SLC22A15: variants seen among roughly 807,000 people sequenced by gnomAD.
SLC22A15 encodes flipt 1.
In SLC22A15, 45 loss-of-function variants were observed where a neutral mutation model predicts 62.7. The observed-to-expected ratio is 0.72, with a 90% CI of 0.56 to 0.92. The LOEUF is 0.92. Among genes scored for constraint, SLC22A15 ranks in the 40% least tolerant of loss-of-function variants. The pLI is 0.00. For missense variants in SLC22A15, 622 were observed against 665.6 expected, an observed-to-expected ratio of 0.93 and a Z score of 0.72; for synonymous variants, 264 against 267.0, an observed-to-expected ratio of 0.99 and a Z score of 0.11.
intron 3 of SLC22A15, 73 bp downstream of exon 3, chr1:116,019,787 G>T: frequency 6.8e-7 from 1 of 1,464,706 alleles, no homozygotes; most frequent in African/African-American, 1.4e-5. Context: ...AATAATAAGG[G>T]GACTATTTCC....
At chr1:116,039,331 G>A (rs534661549) in intron 8 of SLC22A15, among the ~76,000 whole-genome samples, 15 of 152,188 alleles carry the variant, frequency 9.9e-5, no homozygotes, top group Middle Eastern at 3.4e-3. Context: ...TCAGGAGTTC[G>A]AGACCAGCCT....
intron 7 of SLC22A15, 69 bp downstream of exon 7, chr1:116,035,396 C>T (rs1657597107): frequency 7.5e-7 from 1 of 1,339,380 alleles, no homozygotes; most frequent in East Asian, 2.5e-5. Context: ...CCCTCTGATA[C>T]ACATGCATAT....
chr1:116,004,038 C>T (rs6667257), intron 2 of SLC22A15, among the ~76,000 whole-genome samples: 34,391 of 152,150 alleles, frequency 0.23, 4,464 homozygotes, highest in East Asian at 0.48. Context: ...GGCCAGACCC[C>T]TCATTTATCA....
In SLC22A15 at chr1:116,067,236, T is replaced by G; in HGVS notation, c.*128T>G. ...GGCTTGAATGTACATAGATGGTACC[T>G]GGCATGGACTGATGTTTTTAGGCAC... On this transcript the variant is annotated 3_prime_UTR_variant, in exon 12 of 12. Coordinates refer to ENST00000369503, the MANE Select transcript of SLC22A15 (RefSeq NM_018420.3). The G allele has an allele frequency of 1.5e-6, 1 of 666,444 alleles. No homozygotes were observed. The highest frequency in any genetic ancestry group is 1.9e-5 in the South Asian group (1 of 52,204). 41.3% of individuals were successfully genotyped at this position (666,444 alleles called of 1,614,324 possible). A position where few individuals can be genotyped will look rare whatever the true frequency, so the allele number is the denominator to read the frequency against.
At chr1:116,066,757 T>A (rs1461116164) in intron 11 of SLC22A15, 49 bp downstream of exon 11, 2 of 1,510,822 alleles carry the variant, frequency 1.3e-6, no homozygotes, top group African/African-American at 1.4e-5. Context: ...TGGCAGTTAA[T>A]GAAAAAAAGA....
At chr1:116,030,387 C>A (rs1421073393) in intron 5 of SLC22A15, among the ~76,000 whole-genome samples, 1 of 152,020 alleles carries the variant, frequency 6.6e-6, no homozygotes, top group East Asian at 1.9e-4. Flanking sequence ...CTATAAAGCA[C>A]CGTAAATAGC....
Position 116,069,485 on chromosome 1 carries a change from T to A in SLC22A15, c.*2377T>A, listed in dbSNP as rs1056280897. On this transcript the variant is annotated 3_prime_UTR_variant, in exon 12 of 12. Transcript: ENST00000369503. The stretch of plus-strand genomic sequence containing the variant: ...TTTTAATTCTATTCAAAATTAAAAA[T>A]TTTTTTTCCTAAAATAAAGCAAGAA... The A allele has an allele frequency of 4.6e-5, 7 of 152,140 alleles. No individual in the cohort carries two copies. Among genetic ancestry groups the A allele is most frequent in the African/African-American group, 1.4e-4 (6 of 41,542 alleles). 9.4% of individuals were successfully genotyped at this position (152,140 alleles called of 1,614,324 possible). A position where few individuals can be genotyped will look rare whatever the true frequency, so the allele number is the denominator to read the frequency against.
At chr1:115,991,040 G>T (rs372202409) in intron 1 of SLC22A15, among the ~76,000 whole-genome samples, 2 of 152,188 alleles carry the variant, frequency 1.3e-5, no homozygotes, top group Admixed American at 6.5e-5. Flanking sequence ...CTGCAGGAGC[G>T]ATGATTAAAG....
intron 8 of SLC22A15, among the ~76,000 whole-genome samples, chr1:116,058,062 A>ATAT (rs1432864407): frequency 6.6e-6 from 1 of 151,184 alleles, no homozygotes; most frequent in Non-Finnish European, 1.5e-5. Flanking sequence ...TATAATAATA[A>ATAT]TAATAATAAT....
chr1:116,054,276 T>C (rs1374724721), intron 8 of SLC22A15, among the ~76,000 whole-genome samples: 1 of 151,748 alleles, frequency 6.6e-6, no homozygotes, highest in Non-Finnish European at 1.5e-5. Flanking sequence ...TAAAACAGAC[T>C]ATAAAGCAAC....
chr1:116,033,462 C>T (rs1482415182), intron 6 of SLC22A15, among the ~76,000 whole-genome samples: 1 of 152,068 alleles, frequency 6.6e-6, no homozygotes, highest in African/African-American at 2.4e-5. Context: ...CTCTCACCAC[C>T]AGCTGGGAAC....
chr1:116,063,694 G>A (rs769726066), intron 9 of SLC22A15, among the ~76,000 whole-genome samples: 3 of 152,144 alleles, frequency 2.0e-5, no homozygotes, highest in Non-Finnish European at 2.9e-5. Flanking sequence ...TACTTTACCT[G>A]GCTACTGGCT....
rs114794420 is a variant in SLC22A15 at position 116,009,400 on chromosome 1, G to A, written c.301-10182G>A. On this transcript the variant is annotated intron_variant, in intron 2 of 11. Transcript: ENST00000369503. ...GGGTGCTGTTCCAAGTGCTGGTGTG[G>A]TATAGGTAGCTTGAAAGTTTCCTGC... Among the ~76,000 whole-genome samples the A allele has an allele frequency of 3.9e-3, 598 of 152,232 alleles. 7 individuals are homozygous for A. The highest frequency in any genetic ancestry group is 0.014 in the African/African-American group (582 of 41,520).
intron 1 of SLC22A15, among the ~76,000 whole-genome samples, chr1:115,980,058 T>G (rs1359628669): frequency 6.6e-6 from 1 of 151,828 alleles, no homozygotes; most frequent in African/African-American, 2.4e-5. Context: ...ATATTATCCA[T>G]GCAATAAATA....
rs1321721201 is a variant in SLC22A15 at position 116,069,650 on chromosome 1, A to T, written c.*2542A>T. 1 of 152,208 alleles carries T rather than the reference A, an allele frequency of 6.6e-6. No individual in the cohort carries two copies. Among genetic ancestry groups the T allele is most frequent in the Non-Finnish European group, 1.5e-5 (1 of 68,020 alleles). The allele number at this position is 152,208 out of a possible 1,614,324, so 9.4% of individuals were successfully genotyped here. On this transcript the variant is annotated 3_prime_UTR_variant, in exon 12 of 12. Transcript: ENST00000369503. ...TTTTCTGATTTTGTGAGTTACAACC[A>T]CAGCCCAGTAAAACCAATACTTGTT...
chr1:115,976,807 C>G (rs766598178), intron 1 of SLC22A15, 93 bp downstream of exon 1: 3 of 971,906 alleles, frequency 3.1e-6, no homozygotes, highest in East Asian at 3.1e-5. Flanking sequence ...GGGCCGGGGC[C>G]GAGGCCGAGG....
At chr1:115,996,151 A>C (rs140528635) in intron 2 of SLC22A15, among the ~76,000 whole-genome samples, 2 of 152,234 alleles carry the variant, frequency 1.3e-5, no homozygotes, top group Non-Finnish European at 2.9e-5. Flanking sequence ...CATATTGTAG[A>C]AGCCTTTTGA....
intron 2 of SLC22A15, among the ~76,000 whole-genome samples, chr1:116,011,873 A>G (rs1419894507): frequency 6.6e-6 from 1 of 152,134 alleles, no homozygotes. Flanking sequence ...CAAAAGTGGA[A>G]TGAGAAATCT....
At chr1:115,977,048 C>T (rs75235641) in intron 1 of SLC22A15, among the ~76,000 whole-genome samples, 11,317 of 152,284 alleles carry the variant, frequency 0.074, 518 homozygotes, top group Admixed American at 0.12. Context: ...ACCTGCCCTA[C>T]GCTGTTGCCT....
Sources: gnomAD v4.1 joint callset for allele counts (sites outside exome capture counted in the v4.1 genomes callset) on GRCh38, gnomAD v4.1.1 for gene constraint, MANE v1.5 for transcripts, NCBI Gene and HGNC (gene_info 2026-07-23, HGNC 2026-07-21) for gene names.